The following TRIM35 variants were observed in gnomAD, a reference collection of about 807,000 sequenced individuals.
The protein encoded by TRIM35 is E3 ubiquitin-protein ligase TRIM35.
A neutral mutation model predicts 49.1 loss-of-function variants in TRIM35; 37 were observed. That is an observed-to-expected ratio of 0.75 (90% CI 0.58 to 0.99). The LOEUF (loss-of-function observed/expected upper bound fraction) is 0.99, where lower values mean the gene tolerates loss of function less well. TRIM35 is among the 50% of genes least tolerant of loss of function. The probability of loss-of-function intolerance (pLI) is 0.00; values close to 1 mark genes in which losing one functional copy is unlikely to be tolerated. For missense variants in TRIM35, 648 were observed against 702.7 expected, an observed-to-expected ratio of 0.92 and a Z score of 0.88; for synonymous variants, 302 against 289.3, an observed-to-expected ratio of 1.04 and a Z score of -0.45.
chr8:27,296,965 A>T (rs1048729114), intron 2 of TRIM35, among the ~76,000 whole-genome samples: 6 of 152,122 alleles, frequency 3.9e-5, no homozygotes, highest in Non-Finnish European at 7.4e-5. Context: ...ATTTTTTTTT[A>T]AAAACCCTAG....
At chr8:27,292,350 A>G (rs1333935766) in intron 3 of TRIM35, among the ~76,000 whole-genome samples, 1 of 152,162 alleles carries the variant, frequency 6.6e-6, no homozygotes, top group African/African-American at 2.4e-5. Context: ...CTGTAAGCAC[A>G]CTCCATGACA....
chr8:27,287,802 G>A lies in TRIM35; in HGVS notation c.1230C>T (p.Cys410=), dbSNP rs990368401. ...CRTQGVEGDH[C]VTSDPATSPL... is the part of the protein sequence containing the mutation. ...GCGACGTGGCTGGGTCCGAGGTCACGCAGTGGTCCCCCTCCACGCCCTGCG... is the reference window on the plus strand; with the variant it reads ...GCGACGTGGCTGGGTCCGAGGTCACACAGTGGTCCCCCTCCACGCCCTGCG... The change falls in exon 6 of 6, where the codon TGC becomes TGT. Residue 410 remains cysteine, a synonymous_variant. Transcript: ENST00000305364. This position sits in a 1 kb window ranked among gnomAD's most constrained non-coding sequence, Gnocchi z 6.0. The A allele has an allele frequency of 2.5e-5, 41 of 1,610,784 alleles. 1 individual carries two copies. The highest frequency in any genetic ancestry group is 3.3e-5 in the Non-Finnish European group (39 of 1,178,988).
Position 27,294,005 on chromosome 8 carries a change from G to A in TRIM35, c.762+75C>T. 2.0e-6 allele frequency: 3 copies of A among 1,472,734 alleles called. No individual in the cohort carries two copies. In the South Asian group the frequency reaches 3.8e-5, roughly 19 times the overall value. The allele number at this position is 1,472,734 out of a possible 1,614,324, so 91.2% of individuals were successfully genotyped here. On this transcript the variant is annotated intron_variant, in intron 3 of 5. Transcript: ENST00000305364. Reference sequence around the variant, plus strand: ...CTCCAGGAAGATGACGTTGGCCAGGGCTGGTGGGCTATGGCTCCCAGCTGG... The same window carrying A: ...CTCCAGGAAGATGACGTTGGCCAGGACTGGTGGGCTATGGCTCCCAGCTGG...
intron 3 of TRIM35, among the ~76,000 whole-genome samples, chr8:27,291,515 A>C (rs1802454345): frequency 6.6e-6 from 1 of 152,264 alleles, no homozygotes; most frequent in African/African-American, 2.4e-5. Context: ...AGTTAAACCT[A>C]GAGTTACCAT....
At chr8:27,290,582 G>A (rs1802433015) in intron 3 of TRIM35, among the ~76,000 whole-genome samples, 1 of 152,126 alleles carries the variant, frequency 6.6e-6, no homozygotes, top group African/African-American at 2.4e-5. Context: ...TCATGCTCCT[G>A]GACTTCCTGG....
At chr8:27,306,183 C>T (rs17056985) in intron 1 of TRIM35, among the ~76,000 whole-genome samples, 8,239 of 152,188 alleles carry the variant, frequency 0.054, 736 homozygotes, top group African/African-American at 0.19. Flanking sequence ...GAATGACGCA[C>T]GGTCTGTGTC....
chr8:27,308,223 C>T (rs1802827796), intron 1 of TRIM35, among the ~76,000 whole-genome samples: 1 of 152,188 alleles, frequency 6.6e-6, no homozygotes, highest in African/African-American at 2.4e-5. Context: ...TTTAAACCAC[C>T]ACATTTATTA....
chr8:27,310,326 A>G (rs1563447850), intron 1 of TRIM35, among the ~76,000 whole-genome samples: 1 of 152,230 alleles, frequency 6.6e-6, no homozygotes, highest in African/African-American at 2.4e-5. Flanking sequence ...CAGATAATAC[A>G]AACCGCGGGA....
chr8:27,288,107 T>C lies in TRIM35; in HGVS notation c.925A>G (p.Asn309Asp). ...VESVPFSFDP[N>D]TAAGWLSVSD... ...ACGGAGAGCCAGCCAGCTGCGGTGT[T>C]GGGGTCAAAGCTGAAGGGTACTGCA... The change falls in exon 6 of 6, where the codon AAC becomes GAC. Residue 309 changes from asparagine to aspartate, a missense_variant. Asn to Asp is a conservative substitution (Grantham distance 23). Transcript: ENST00000305364. The C allele has an allele frequency of 6.2e-7, 1 of 1,607,930 alleles. No individual in the cohort carries two copies. The highest frequency in any genetic ancestry group is 8.5e-7 in the Non-Finnish European group (1 of 1,179,754).
intron 1 of TRIM35, among the ~76,000 whole-genome samples, chr8:27,308,429 C>A (rs979572916): frequency 6.6e-6 from 1 of 152,182 alleles, no homozygotes; most frequent in African/African-American, 2.4e-5. Context: ...ATCACAAACT[C>A]CCCTGTTTAG....
At chr8:27,295,916 TAA>T (rs1802556179) in intron 2 of TRIM35, among the ~76,000 whole-genome samples, 1 of 152,178 alleles carries the variant, frequency 6.6e-6, no homozygotes, top group South Asian at 2.1e-4. Context: ...CTATTATTAT[TAA>T]TGTACAAAGC....
intron 1 of TRIM35, among the ~76,000 whole-genome samples, chr8:27,305,472 G>A (rs1802764907): frequency 6.6e-6 from 1 of 152,210 alleles, no homozygotes; most frequent in Admixed American, 6.5e-5. Flanking sequence ...AATGTCCTCT[G>A]GTGCAACCAA....
intron 2 of TRIM35, among the ~76,000 whole-genome samples, chr8:27,295,666 G>A (rs1196676454): frequency 6.6e-6 from 1 of 152,142 alleles, no homozygotes; most frequent in African/African-American, 2.4e-5. Context: ...CTGTACTGAA[G>A]GGGAAAAACA....
chr8:27,297,432 T>A (rs1195548173), intron 2 of TRIM35, among the ~76,000 whole-genome samples: 1 of 152,158 alleles, frequency 6.6e-6, no homozygotes, highest in Non-Finnish European at 1.5e-5. Context: ...ACAACCAGAA[T>A]GGGGACAGAG....
In TRIM35 at chr8:27,289,239, A is replaced by G; in HGVS notation, c.827T>C (p.Met276Thr). Reference protein sequence around the residue: ...TMEPEPVQPGMLIDVCKYLGS... With the variant: ...TMEPEPVQPGTLIDVCKYLGS... ...CAGGTACTTGCAGACATCGATAAGC[A>G]TGCCGGGCTGGACTGGCTCTGGCTC... Residue 276 changes from methionine to threonine, a missense_variant, in exon 5 of 6, where the codon ATG (methionine) becomes ACG (threonine). By Grantham distance (81) the Met-to-Thr change is moderately conservative (BLOSUM62 -1). Coordinates refer to ENST00000305364, the MANE Select transcript of TRIM35 (RefSeq NM_171982.5). The G allele has an allele frequency of 6.2e-7, 1 of 1,614,186 alleles. No individual in the cohort carries two copies. Among genetic ancestry groups the G allele is most frequent in the South Asian group, 1.1e-5 (1 of 91,086 alleles).
In TRIM35 at chr8:27,286,567, C is replaced by A; in HGVS notation, c.*983G>T. ...GAAACAGGCCTGGCAAGGAAATAGGCCGAAATCACGATTTAAAAAATGTTG... is the reference window on the plus strand; with the variant it reads ...GAAACAGGCCTGGCAAGGAAATAGGACGAAATCACGATTTAAAAAATGTTG... On this transcript the variant is annotated 3_prime_UTR_variant, in exon 6 of 6. Coordinates refer to ENST00000305364, the MANE Select transcript of TRIM35 (RefSeq NM_171982.5). 4.9e-6 allele frequency: 1 copy of A among 202,182 alleles called. No homozygotes were observed. The highest frequency in any genetic ancestry group is 1.3e-4 in the East Asian group (1 of 7,630). The allele number at this position is 202,182 out of a possible 1,614,324, so 12.5% of individuals were successfully genotyped here.
intron 1 of TRIM35, among the ~76,000 whole-genome samples, chr8:27,301,335 A>T (rs1802678959): frequency 6.6e-6 from 1 of 152,192 alleles, no homozygotes; most frequent in South Asian, 2.1e-4. Context: ...TCTCCTGGGG[A>T]CACATGGGAA....
intron 3 of TRIM35, among the ~76,000 whole-genome samples, chr8:27,291,077 A>G (rs958975345): frequency 1.3e-5 from 2 of 151,420 alleles, no homozygotes; most frequent in Non-Finnish European, 2.9e-5. Context: ...AAAAAAAAAA[A>G]AAGTGAAGTT....
At chr8:27,290,035 A>G in intron 4 of TRIM35, 121 bp downstream of exon 4, 1 of 1,104,876 alleles carries the variant, frequency 9.1e-7, no homozygotes, top group Middle Eastern at 2.5e-4. Flanking sequence ...CAGGGCCAGT[A>G]GCTCATGTGT....
Sources: allele counts gnomAD v4.1 joint callset (sites outside exome capture counted in the v4.1 genomes callset), GRCh38; gene constraint gnomAD v4.1.1; non-coding constraint Gnocchi (gnomAD v3.1); transcripts MANE v1.5; gene names NCBI Gene and HGNC (gene_info 2026-07-23, HGNC 2026-07-21).